Variants in IL6ST observed in about 807,000 individuals in gnomAD.
IL6ST encodes interleukin 6 cytokine family signal transducer, also known as interleukin-6 receptor subunit beta.
Under a neutral mutation model 91.3 loss-of-function variants are expected in IL6ST, and 24 were observed. That is an observed-to-expected ratio of 0.26 (90% CI 0.19 to 0.37). IL6ST has a LOEUF of 0.37. IL6ST is among the 10% of genes least tolerant of loss of function. The probability of loss-of-function intolerance (pLI) is 1.00; values close to 1 mark genes in which losing one functional copy is unlikely to be tolerated. For synonymous variants in IL6ST, 351 were observed against 373.6 expected, an observed-to-expected ratio of 0.94 and a Z score of 0.70; for missense variants, 914 against 1,078.5, an observed-to-expected ratio of 0.85 and a Z score of 2.14.
In IL6ST at chr5:55,939,817, T is replaced by TAGA. The variant is rs1750770314; in HGVS notation, c.*1262_*1264dup. The TAGA allele has an allele frequency of 4.9e-6, 1 of 203,248 alleles. No individual in the cohort carries two copies. The highest frequency in any genetic ancestry group is 2.3e-5 in the African/African-American group (1 of 43,742). 12.6% of individuals were successfully genotyped at this position (203,248 alleles called of 1,614,324 possible). On this transcript the variant is annotated 3_prime_UTR_variant, in exon 17 of 17. Transcript: ENST00000381298. ...TTTTAAAAATTCCTAAATCACAATG[T>TAGA]AGAACTAAGTTCCACCCTACCTCAG... is the stretch of plus-strand genomic sequence containing the variant.
intron 1 of IL6ST, among the ~76,000 whole-genome samples, chr5:55,994,488 G>A (rs1048341485): frequency 6.6e-6 from 1 of 152,162 alleles, no homozygotes. Flanking sequence ...TAACAAAAAG[G>A]GGGGTTTGTT....
chr5:55,972,512 G>A (rs529680028), intron 3 of IL6ST, among the ~76,000 whole-genome samples: 20 of 150,998 alleles, frequency 1.3e-4, no homozygotes, highest in Non-Finnish European at 2.5e-4. Flanking sequence ...ATTCAGTCTC[G>A]AAAAAAAAGG....
At position 55,937,411 on chromosome 5, in the gene IL6ST, G is replaced by GA. The variant is rs570292742; in HGVS notation, c.*3670dup. 3 of 212,258 alleles carry GA rather than the reference G, an allele frequency of 1.4e-5. No homozygotes were observed. Among genetic ancestry groups the GA allele is most frequent in the East Asian group, 7.0e-5 (1 of 14,258 alleles). 13.1% of individuals were successfully genotyped at this position (212,258 alleles called of 1,614,324 possible). Reference sequence around the variant, plus strand: ...GCACATACTAGTAGCATGTATGATGGAAAAAAATAGGTTAATGCAAAAGAT... The same window carrying GA: ...GCACATACTAGTAGCATGTATGATGGAAAAAAAATAGGTTAATGCAAAAGAT... On this transcript the variant is annotated 3_prime_UTR_variant, in exon 17 of 17. Coordinates refer to ENST00000381298, the MANE Select transcript of IL6ST (RefSeq NM_002184.4).
chr5:55,957,287 T>C lies in IL6ST; in HGVS notation c.978A>G (p.Pro326=), dbSNP rs147850775. ...EASGITYEDR[P]SKAPSFWYKI... ...TATACCAGAAACTTGGTGCTTTAGA[T>C]GGTCCTAAAGAAAAGACATAAACTC... The change falls in exon 9 of 17, where the codon CCA becomes CCG. Residue 326 remains proline (P), a synonymous_variant. Transcript: ENST00000381298. 129 of 1,516,098 alleles carry C rather than the reference T, an allele frequency of 8.5e-5. 1 individual carries two copies. The African/African-American group carries it at 1.5e-3, about 18-fold the overall frequency. 93.9% of individuals were successfully genotyped at this position (1,516,098 alleles called of 1,614,324 possible).
intron 15 of IL6ST, among the ~76,000 whole-genome samples, chr5:55,943,269 A>G (rs767799952): frequency 1.9e-4 from 29 of 152,220 alleles, no homozygotes; most frequent in Admixed American, 6.5e-5. Flanking sequence ...CAACCTAGAC[A>G]AACCAATGAA....
In IL6ST at chr5:55,940,365, G is replaced by C. The variant is rs891920052; in HGVS notation, c.*717C>G. The C allele has an allele frequency of 1.4e-5, 3 of 208,858 alleles. No individual in the cohort carries two copies. The highest frequency in any genetic ancestry group is 4.5e-5 in the African/African-American group (2 of 43,978). The allele number at this position is 208,858 out of a possible 1,614,324, so 12.9% of individuals were successfully genotyped here. A position where few individuals can be genotyped will look rare whatever the true frequency, so the allele number is the denominator to read the frequency against. ...AGTTTGTGAAATGCATCTTCAAAGA[G>C]GTTGTCAATAATATGCAAATTTTTG... On this transcript the variant is annotated 3_prime_UTR_variant, in exon 17 of 17. Transcript: ENST00000381298.
chr5:55,989,517 G>A (rs1256954384), intron 1 of IL6ST, among the ~76,000 whole-genome samples: 1 of 152,178 alleles, frequency 6.6e-6, no homozygotes, highest in Non-Finnish European at 1.5e-5. Flanking sequence ...ATATGCTTAT[G>A]ACCTTAGGGC....
At chr5:55,983,897 C>T (rs1189257929) in intron 1 of IL6ST, among the ~76,000 whole-genome samples, 1 of 152,102 alleles carries the variant, frequency 6.6e-6, no homozygotes, top group Non-Finnish European at 1.5e-5. Flanking sequence ...ACATAGTGGA[C>T]ATCTTCATAA....
rs6450356 is a variant in IL6ST at position 55,935,374 on chromosome 5, G to A, written c.*5708C>T. 2.0e-5 allele frequency: 4 copies of A among 200,924 alleles called. No individual in the cohort carries two copies. The highest frequency in any genetic ancestry group is 7.6e-5 in the East Asian group (1 of 13,080). 12.4% of individuals were successfully genotyped at this position (200,924 alleles called of 1,614,324 possible). ...GTTTCTAAAACTAAGCTCTGGCTTC[G>A]TATCTGTTGAAAATCTTTAGCGGTT... On this transcript the variant is annotated 3_prime_UTR_variant, in exon 17 of 17. Transcript: ENST00000381298.
chr5:55,974,208 TAAAG>T (rs1753136887), intron 3 of IL6ST, among the ~76,000 whole-genome samples: 1 of 152,220 alleles, frequency 6.6e-6, no homozygotes, highest in South Asian at 2.1e-4. Context: ...ATTTTTTTCA[TAAAG>T]AAACTTTTAT....
In IL6ST at chr5:55,940,014, CTACT is replaced by C. The variant is rs1248660249; in HGVS notation, c.*1064_*1067del. On this transcript the variant is annotated 3_prime_UTR_variant, in exon 17 of 17. Coordinates refer to ENST00000381298, the MANE Select transcript of IL6ST (RefSeq NM_002184.4). Reference sequence around the variant, plus strand: ...AAAATAAAAAAATTTAAATCTTTGCCTACTTATTTAAAAATAAAAAAAATACTCA... The same window carrying C: ...AAAATAAAAAAATTTAAATCTTTGCCTATTTAAAAATAAAAAAAATACTCA... The C allele has an allele frequency of 5.2e-6, 1 of 192,732 alleles. No homozygotes were observed. The highest frequency in any genetic ancestry group is 2.6e-5 in the African/African-American group (1 of 38,850). The allele number at this position is 192,732 out of a possible 1,614,324, so 11.9% of individuals were successfully genotyped here.
At position 55,991,877 on chromosome 5, in the gene IL6ST, T is replaced by G. The variant is rs554589181; in HGVS notation, c.-104+2907A>C. Among the ~76,000 whole-genome samples the G allele has an allele frequency of 1.2e-4, 19 of 152,268 alleles. No homozygotes were observed. The South Asian group carries it at 3.7e-3, about 30-fold the overall frequency. On this transcript the variant is annotated intron_variant, in intron 1 of 16. Coordinates refer to ENST00000381298, the MANE Select transcript of IL6ST (RefSeq NM_002184.4). ...ATAATGCTGAAATTATTCTTGTAGT[T>G]TCCAAACTGCAAAGCAAATACTTAA...
intron 1 of IL6ST, among the ~76,000 whole-genome samples, chr5:55,987,799 T>C (rs1341625144): frequency 6.6e-6 from 1 of 152,214 alleles, no homozygotes; most frequent in Non-Finnish European, 1.5e-5. Flanking sequence ...CTGTTATTAT[T>C]AGTGCAGCTC....
intron 15 of IL6ST, 135 bp from the exon 16 acceptor site, chr5:55,942,886 A>AC (rs1751006592): frequency 1.9e-6 from 1 of 520,524 alleles, no homozygotes; most frequent in African/African-American, 1.9e-5. Context: ...TACCTACTCT[A>AC]CCCCAAACAA....
intron 15 of IL6ST, chr5:55,944,877 G>A (rs1479857982): frequency 4.9e-5 from 28 of 572,812 alleles, no homozygotes; most frequent in Admixed American, 2.4e-4. Flanking sequence ...CCCTCTGATC[G>A]CCGATCACCT....
At chr5:55,974,856 G>C (rs1753180282) in intron 3 of IL6ST, among the ~76,000 whole-genome samples, 1 of 151,832 alleles carries the variant, frequency 6.6e-6, no homozygotes, top group Non-Finnish European at 1.5e-5. Context: ...CCATTTCATA[G>C]ATCAGGAAAT....
chr5:55,953,445 A>G (rs7716853), intron 11 of IL6ST, among the ~76,000 whole-genome samples: 3,583 of 152,278 alleles, frequency 0.024, 62 homozygotes, highest in African/African-American at 0.05. Flanking sequence ...GCTGGAGTGC[A>G]ATGGCATGAT....
At chr5:55,979,221 T>C (rs1345049762) in intron 2 of IL6ST, among the ~76,000 whole-genome samples, 2 of 152,088 alleles carry the variant, frequency 1.3e-5, no homozygotes, top group Non-Finnish European at 2.9e-5. Flanking sequence ...AGTGAGACCC[T>C]GACTCTACAA....
At chr5:55,993,571 A>G (rs563964269) in intron 1 of IL6ST, among the ~76,000 whole-genome samples, 25 of 152,316 alleles carry the variant, frequency 1.6e-4, no homozygotes, top group African/African-American at 6.0e-4. Context: ...TTAAACTGGT[A>G]TTGTCAATAC....
Sources: allele counts gnomAD v4.1 joint callset (sites outside exome capture counted in the v4.1 genomes callset), GRCh38; gene constraint gnomAD v4.1.1; transcripts MANE v1.5; gene names NCBI Gene and HGNC (gene_info 2026-07-23, HGNC 2026-07-21).